The following ATRNL1 variants were observed in gnomAD, a reference collection of about 807,000 sequenced individuals.
The protein encoded by ATRNL1 is attractin-like protein 1.
Under a neutral mutation model 182.7 loss-of-function variants are expected in ATRNL1, and 95 were observed. That is an observed-to-expected ratio of 0.52 (90% CI 0.44 to 0.62). ATRNL1 has a LOEUF of 0.62. ATRNL1 is among the 20% of genes least tolerant of loss of function. The pLI is 0.00. For synonymous variants in ATRNL1, 576 were observed against 568.3 expected (o/e 1.01, Z -0.19); for missense variants, 1,471 against 1,679.5 (o/e 0.88, Z 2.17).
intron 24 of ATRNL1, among the ~76,000 whole-genome samples, chr10:115,484,237 T>C (rs368472053): frequency 6.6e-6 from 1 of 151,718 alleles, no homozygotes. Flanking sequence ...AATGCTGTTA[T>C]TAAATATTAT....
At position 115,181,316 on chromosome 10, in the gene ATRNL1, T is replaced by C. The variant is rs527627557; in HGVS notation, c.1348+10024T>C. ...CATTGACAGCTGCATATGTAATAGA[T>C]AGGAATCAAAAGATGCCATTTAACA... On this transcript the variant is annotated intron_variant, in intron 8 of 28. Coordinates refer to ENST00000355044, the MANE Select transcript of ATRNL1 (RefSeq NM_207303.4). Among the ~76,000 whole-genome samples the C allele has an allele frequency of 2.0e-5, 3 of 151,942 alleles. No individual in the cohort carries two copies. In the East Asian group the frequency reaches 5.8e-4, roughly 29 times the overall value.
chr10:115,263,236 A>G (rs1851466606), intron 10 of ATRNL1, among the ~76,000 whole-genome samples: 2 of 151,866 alleles, frequency 1.3e-5, no homozygotes, highest in East Asian at 1.9e-4. Flanking sequence ...CAAATGTCCA[A>G]TAAGCACATG....
At chr10:115,608,179 G>A (rs1856967766) in intron 26 of ATRNL1, among the ~76,000 whole-genome samples, 1 of 151,826 alleles carries the variant, frequency 6.6e-6, no homozygotes. Context: ...TGTATTGAAA[G>A]TTACACTACT....
chr10:115,734,674 G>A (rs1947897129), intron 27 of ATRNL1, among the ~76,000 whole-genome samples: 1 of 151,868 alleles, frequency 6.6e-6, no homozygotes, highest in Non-Finnish European at 1.5e-5. Context: ...TGCTATAAAT[G>A]TTTTCTCTCT....
At chr10:115,164,959 C>T (rs2144038824) in intron 6 of ATRNL1, among the ~76,000 whole-genome samples, 1 of 151,866 alleles carries the variant, frequency 6.6e-6, no homozygotes, top group South Asian at 2.1e-4. Flanking sequence ...TTCAAAATAG[C>T]TAGAAGAGAA....
chr10:115,825,451 T>G (rs928992290), intron 27 of ATRNL1, among the ~76,000 whole-genome samples: 1 of 152,184 alleles, frequency 6.6e-6, no homozygotes, highest in Admixed American at 6.5e-5. Flanking sequence ...GGACCTAGCG[T>G]ATATAGACTT....
intron 26 of ATRNL1, among the ~76,000 whole-genome samples, chr10:115,592,287 C>A (rs773845766): frequency 1.3e-5 from 2 of 152,146 alleles, no homozygotes; most frequent in African/African-American, 2.4e-5. Context: ...ACCCATATAA[C>A]AATCCTGCAC....
intron 26 of ATRNL1, among the ~76,000 whole-genome samples, chr10:115,621,276 T>TAGAGAGAGAGAGAGAGAG (rs1157745862): frequency 1.1e-4 from 5 of 47,582 alleles, no homozygotes; most frequent in African/African-American, 1.5e-4. Flanking sequence ...TATATATATA[T>TAGAGAGAGAGAGAGAGAG]AGAGAGAGAG....
At chr10:115,850,175 A>T (rs142897902) in intron 28 of ATRNL1, among the ~76,000 whole-genome samples, 30 of 152,304 alleles carry the variant, frequency 2.0e-4, no homozygotes, top group Admixed American at 3.9e-4. Context: ...CTGATATGTC[A>T]TAAAGCAAGT....
intron 19 of ATRNL1, among the ~76,000 whole-genome samples, chr10:115,392,780 G>T (rs1460524544): frequency 6.6e-6 from 1 of 152,070 alleles, no homozygotes; most frequent in Non-Finnish European, 1.5e-5. Context: ...TCCTGTTCTG[G>T]CAACTTTTAC....
At chr10:115,841,201 A>T (rs546584450) in intron 27 of ATRNL1, among the ~76,000 whole-genome samples, 1 of 152,238 alleles carries the variant, frequency 6.6e-6, no homozygotes, top group South Asian at 2.1e-4. Flanking sequence ...AAGAAGAGGT[A>T]GTGTTGTCTC....
At chr10:115,344,370 C>G (rs1554939175) in intron 19 of ATRNL1, among the ~76,000 whole-genome samples, 3 of 152,330 alleles carry the variant, frequency 2.0e-5, no homozygotes, top group African/African-American at 7.2e-5. Context: ...ACTCTTCCCT[C>G]CCTTTTCCAA....
At chr10:115,171,601 C>T (rs1554885638) in intron 8 of ATRNL1, among the ~76,000 whole-genome samples, 2 of 151,862 alleles carry the variant, frequency 1.3e-5, no homozygotes, top group African/African-American at 4.8e-5. Context: ...TATTTATGAA[C>T]GAAGTACTGA....
chr10:115,827,140 G>A (rs1589566150), intron 27 of ATRNL1, among the ~76,000 whole-genome samples: 2 of 152,282 alleles, frequency 1.3e-5, no homozygotes, highest in East Asian at 1.9e-4. Context: ...ACATTAACAT[G>A]CCCAAAGCCA....
chr10:115,724,595 A>G (rs1194838483), intron 26 of ATRNL1, among the ~76,000 whole-genome samples: 9 of 152,184 alleles, frequency 5.9e-5, no homozygotes, highest in Non-Finnish European at 1.3e-4. Context: ...GAAAGGTCTC[A>G]GTAATTAGAT....
At chr10:115,857,093 G>A (rs1373122671) in intron 28 of ATRNL1, among the ~76,000 whole-genome samples, 2 of 151,994 alleles carry the variant, frequency 1.3e-5, no homozygotes, top group South Asian at 2.1e-4. Flanking sequence ...TTAATGAATA[G>A]TAAATATATT....
At chr10:115,111,774 G>A (rs1844267428) in intron 1 of ATRNL1, among the ~76,000 whole-genome samples, 1 of 152,186 alleles carries the variant, frequency 6.6e-6, no homozygotes, top group South Asian at 2.1e-4. Flanking sequence ...AGGCCTCAAA[G>A]TCAGATAGAT....
At chr10:115,712,360 A>G (rs1307341725) in intron 26 of ATRNL1, among the ~76,000 whole-genome samples, 1 of 152,184 alleles carries the variant, frequency 6.6e-6, no homozygotes, top group Non-Finnish European at 1.5e-5. Context: ...GTGGCCAAAC[A>G]CCATACCAGA....
chr10:115,164,812 A>G (rs1846963613), intron 6 of ATRNL1, among the ~76,000 whole-genome samples: 1 of 152,178 alleles, frequency 6.6e-6, no homozygotes, highest in African/African-American at 2.4e-5. Context: ...TGGCTACCAC[A>G]GCATGAGAAG....
Sources: allele counts gnomAD v4.1 joint callset (sites outside exome capture counted in the v4.1 genomes callset), GRCh38; gene constraint gnomAD v4.1.1; transcripts MANE v1.5; gene names NCBI Gene and HGNC (gene_info 2026-07-23, HGNC 2026-07-21).